Variants in LINGO2 observed in about 807,000 individuals in gnomAD.
LINGO2 encodes leucine-rich repeat and immunoglobulin-like domain-containing nogo receptor-interacting protein 2.
LINGO2 carries 14 observed loss-of-function variants against 30.6 expected under a neutral mutation model. The ratio of observed to expected loss-of-function variants is 0.46; its 90% CI spans 0.30 to 0.72. The LOEUF (loss-of-function observed/expected upper bound fraction) is 0.72. Ranked by LOEUF, LINGO2 falls within the 30% of genes least tolerant of loss-of-function variation. The pLI, the probability that LINGO2 is intolerant of heterozygous loss-of-function variation, is 0.07. For synonymous variants in LINGO2, 317 were observed against 288.5 expected (o/e 1.10, Z -1.00); for missense variants, 729 against 751.7 (o/e 0.97, Z 0.35).
intron 4 of LINGO2, among the ~76,000 whole-genome samples, chr9:28,061,442 C>G (rs1298862511): frequency 6.6e-6 from 1 of 151,636 alleles, no homozygotes; most frequent in Non-Finnish European, 1.5e-5. Flanking sequence ...CAACTTTTAC[C>G]TTTTTTGTTT....
chr9:28,656,000 G>A (rs1828320973), intron 1 of LINGO2, among the ~76,000 whole-genome samples: 1 of 152,088 alleles, frequency 6.6e-6, no homozygotes, highest in Non-Finnish European at 1.5e-5. Flanking sequence ...ACAATGCCAA[G>A]TGACAGTAGC....
At chr9:27,997,026 A>G (rs1014326210) in intron 5 of LINGO2, among the ~76,000 whole-genome samples, 12 of 152,216 alleles carry the variant, frequency 7.9e-5, no homozygotes, top group African/African-American at 2.7e-4. Context: ...CTTATGTCAA[A>G]TTGAATTTTT....
the LINGO2 span, among the ~76,000 whole-genome samples, chr9:28,687,174 G>C: frequency 6.6e-6 from 1 of 152,018 alleles, no homozygotes; most frequent in Non-Finnish European, 1.5e-5. Flanking sequence ...TTCATACCCA[G>C]ACAACACGTC....
the LINGO2 span, among the ~76,000 whole-genome samples, chr9:28,825,631 G>A: frequency 6.6e-6 from 1 of 150,946 alleles, no homozygotes; most frequent in South Asian, 2.1e-4. Flanking sequence ...AACTTTAAAA[G>A]CCACCATCCT....
chr9:28,918,449 G>C, the LINGO2 span, among the ~76,000 whole-genome samples: 1 of 152,074 alleles, frequency 6.6e-6, no homozygotes, highest in Non-Finnish European at 1.5e-5. Flanking sequence ...AAATCATTTG[G>C]ACAAAACTTC....
chr9:28,580,694 G>A (rs1040305698), intron 1 of LINGO2, among the ~76,000 whole-genome samples: 5 of 151,884 alleles, frequency 3.3e-5, no homozygotes, highest in Non-Finnish European at 4.4e-5. Context: ...CCAGCACTTT[G>A]GCATTCAAAC....
At chr9:29,209,299 G>A in the LINGO2 span, among the ~76,000 whole-genome samples, 447 of 152,138 alleles carry the variant, frequency 2.9e-3, 16 homozygotes, top group Admixed American at 0.027. Flanking sequence ...TTTAAGAGAC[G>A]ATAATAAACT....
chr9:27,982,933 G>A (rs1009261477), intron 5 of LINGO2, among the ~76,000 whole-genome samples: 4 of 151,684 alleles, frequency 2.6e-5, no homozygotes, highest in African/African-American at 4.8e-5. Context: ...CTACATACAT[G>A]TTATCAATCC....
At chr9:28,321,105 C>T (rs1825025260) in intron 3 of LINGO2, among the ~76,000 whole-genome samples, 1 of 151,914 alleles carries the variant, frequency 6.6e-6, no homozygotes, top group Admixed American at 6.6e-5. Context: ...TCATTCTCAC[C>T]CTTATCCCAT....
intron 4 of LINGO2, among the ~76,000 whole-genome samples, chr9:28,046,006 T>TA (rs1195163630): frequency 3.3e-5 from 5 of 152,160 alleles, no homozygotes; most frequent in Admixed American, 6.6e-5. Context: ...TTTAGACCTA[T>TA]AATGAGGATG....
At chr9:28,777,690 A>G in the LINGO2 span, among the ~76,000 whole-genome samples, 825 of 152,328 alleles carry the variant, frequency 5.4e-3, 2 homozygotes, top group Non-Finnish European at 9.2e-3. Flanking sequence ...CTTTTGGTCT[A>G]AGACAGAGAA....
chr9:28,990,031 G>A, the LINGO2 span, among the ~76,000 whole-genome samples: 1 of 152,232 alleles, frequency 6.6e-6, no homozygotes, highest in African/African-American at 2.4e-5. Flanking sequence ...GGGAGCACCA[G>A]ACAGTGGGCG....
At chr9:28,721,658 G>A in the LINGO2 span, among the ~76,000 whole-genome samples, 1 of 152,018 alleles carries the variant, frequency 6.6e-6, no homozygotes, top group South Asian at 2.1e-4. Flanking sequence ...GGGGTCTGTT[G>A]GGGGATGGGG....
chr9:28,768,782 A>G, the LINGO2 span, among the ~76,000 whole-genome samples: 2 of 152,106 alleles, frequency 1.3e-5, no homozygotes, highest in Non-Finnish European at 2.9e-5. Flanking sequence ...TCTTGATTAC[A>G]TCTCTATCTT....
intron 4 of LINGO2, among the ~76,000 whole-genome samples, chr9:28,024,985 G>T (rs566962079): frequency 1.3e-5 from 2 of 152,178 alleles, no homozygotes; most frequent in East Asian, 3.9e-4. Context: ...CCTAGCACCC[G>T]GGCGAGATCA....
At chr9:28,075,750 G>C (rs1386688828) in intron 4 of LINGO2, among the ~76,000 whole-genome samples, 1 of 151,646 alleles carries the variant, frequency 6.6e-6, no homozygotes, top group East Asian at 1.9e-4. Context: ...CTTTCAGGTT[G>C]CTTGTCTTTT....
intron 1 of LINGO2, among the ~76,000 whole-genome samples, chr9:28,652,863 A>C (rs573717328): frequency 6.6e-6 from 1 of 152,180 alleles, no homozygotes; most frequent in South Asian, 2.1e-4. Flanking sequence ...ATTAGTATTA[A>C]GGTCAAAAGC....
chr9:28,413,126 G>T (rs1242139512), intron 2 of LINGO2, among the ~76,000 whole-genome samples: 1 of 152,008 alleles, frequency 6.6e-6, no homozygotes, highest in Non-Finnish European at 1.5e-5. Context: ...TACTGTTTAT[G>T]TTATTAATAA....
chr9:28,027,095 T>TAC lies in LINGO2; in HGVS notation c.-86-14692_-86-14691dup, dbSNP rs201002339. Among the ~76,000 whole-genome samples the TAC allele has an allele frequency of 1.1e-4, 17 of 152,334 alleles. No individual in the cohort carries two copies. In the East Asian group the frequency reaches 3.1e-3, roughly 28 times the overall value. The stretch of plus-strand genomic sequence containing the variant: ...CTGTTGTTGTTGCATCATAATACAT[T>TAC]ACTAAACAGATGAAAGTCACTGAAC... On this transcript the variant is annotated intron_variant, in intron 4 of 5. Coordinates refer to ENST00000379992, the Ensembl canonical transcript of LINGO2.
Sources: allele counts gnomAD v4.1 joint callset (sites outside exome capture counted in the v4.1 genomes callset), GRCh38; gene constraint gnomAD v4.1.1; transcripts MANE v1.5; gene names NCBI Gene and HGNC (gene_info 2026-07-23, HGNC 2026-07-21).